Variants in SYT16 observed in about 807,000 individuals in gnomAD.
SYT16 encodes the protein synaptotagmin-16.
A neutral mutation model predicts 61.4 loss-of-function variants in SYT16; 42 were observed. That is an observed-to-expected ratio of 0.68 (90% CI 0.53 to 0.89). The LOEUF (loss-of-function observed/expected upper bound fraction) is 0.89, where lower values mean the gene tolerates loss of function less well. Ranked by LOEUF, SYT16 falls within the 40% of genes least tolerant of loss-of-function variation. The pLI is 0.00. For synonymous variants in SYT16, 314 were observed against 302.3 expected, an observed-to-expected ratio of 1.04 and a Z score of -0.40; for missense variants, 804 against 807.3, an observed-to-expected ratio of 1.00 and a Z score of 0.05.
At chr14:61,988,516 T>TATA (rs1484043107) in intron 2 of SYT16, among the ~76,000 whole-genome samples, 2 of 152,224 alleles carry the variant, frequency 1.3e-5, no homozygotes, top group African/African-American at 2.4e-5. Context: ...GTGCTGTTGC[T>TATA]ATAATGTTAT....
intron 1 of SYT16, among the ~76,000 whole-genome samples, chr14:61,946,798 G>A (rs2050455901): frequency 6.6e-6 from 1 of 152,194 alleles, no homozygotes; most frequent in Non-Finnish European, 1.5e-5. Flanking sequence ...GCAACCATAT[G>A]TTTTGAGAAA....
intron 1 of SYT16, among the ~76,000 whole-genome samples, chr14:61,907,554 A>C (rs1323901769): frequency 6.6e-6 from 1 of 152,184 alleles, no homozygotes; most frequent in African/African-American, 2.4e-5. Flanking sequence ...GCAGACTCAC[A>C]CACATGGCTG....
intron 3 of SYT16, among the ~76,000 whole-genome samples, chr14:62,048,531 T>C (rs1044901273): frequency 5.3e-5 from 8 of 152,224 alleles, no homozygotes; most frequent in Non-Finnish European, 1.2e-4. Context: ...TTTGAATGTG[T>C]TTGCTCTTGC....
intron 3 of SYT16, among the ~76,000 whole-genome samples, chr14:62,038,160 C>A (rs540374790): frequency 6.6e-6 from 1 of 151,506 alleles, no homozygotes; most frequent in Non-Finnish European, 1.5e-5. Flanking sequence ...CCGGTAGTTT[C>A]GCTTGCAGGC....
intron 1 of SYT16, among the ~76,000 whole-genome samples, chr14:61,899,584 A>G (rs942608216): frequency 1.3e-5 from 2 of 152,202 alleles, no homozygotes; most frequent in African/African-American, 4.8e-5. Flanking sequence ...TCTAGTTTCA[A>G]ATGTAGCATC....
chr14:61,818,939 A>G (rs752746092), intron 1 of SYT16, among the ~76,000 whole-genome samples: 9 of 152,198 alleles, frequency 5.9e-5, no homozygotes, highest in Non-Finnish European at 1.0e-4. Context: ...TATGGTGGCA[A>G]TATTCTCAAC....
At chr14:61,834,206 C>T (rs976258332) in intron 1 of SYT16, among the ~76,000 whole-genome samples, 1 of 151,998 alleles carries the variant, frequency 6.6e-6, no homozygotes, top group Non-Finnish European at 1.5e-5. Context: ...TCTCGGCTCA[C>T]TGTAACCTCC....
chr14:61,837,413 A>G (rs2046165892), intron 1 of SYT16, among the ~76,000 whole-genome samples: 1 of 150,702 alleles, frequency 6.6e-6, no homozygotes, highest in South Asian at 2.1e-4. Context: ...AATTTTTTGT[A>G]TATTCAGTAG....
chr14:61,995,872 T>G lies in SYT16; in HGVS notation c.-144-4T>G. On this transcript the variant is annotated splice_region_variant and splice_polypyrimidine_tract_variant and intron_variant, in intron 2 of 7. Coordinates refer to ENST00000683842, the MANE Select transcript of SYT16 (RefSeq NM_001367656.1). ...GGTGTAAGTATTTCTTTCCTCTGTT[T>G]CAGCTGGAAGTTTTGAGAGTGAAAT... 2 of 769,784 alleles carry G rather than the reference T, an allele frequency of 2.6e-6. No individual in the cohort carries two copies. The highest frequency in any genetic ancestry group is 2.5e-5 in the South Asian group (1 of 39,462). 47.7% of individuals were successfully genotyped at this position (769,784 alleles called of 1,614,324 possible).
At chr14:61,848,178 T>C (rs72716783) in intron 1 of SYT16, among the ~76,000 whole-genome samples, 13,700 of 152,184 alleles carry the variant, frequency 0.09, 654 homozygotes, top group Non-Finnish European at 0.1. Context: ...CTCTCTGGGC[T>C]TTTTTGTATT....
intron 5 of SYT16, 139 bp from the exon 6 acceptor site, chr14:62,080,695 C>A (rs1333273103): frequency 1.2e-6 from 1 of 830,946 alleles, no homozygotes; most frequent in Non-Finnish European, 1.9e-6. Context: ...GACCAGTAAA[C>A]AGACCTATCT....
Position 62,013,433 on chromosome 14 carries a change from T to G in SYT16, c.523+16891T>G, listed in dbSNP as rs558621226. On this transcript the variant is annotated intron_variant, in intron 3 of 7. Coordinates refer to ENST00000683842, the MANE Select transcript of SYT16 (RefSeq NM_001367656.1). ...GCATTATGGTTTCTGAGAGTGGACTTACACATTCCTAGGTCGAGTTTAAGG... is the reference window on the plus strand; with the variant it reads ...GCATTATGGTTTCTGAGAGTGGACTGACACATTCCTAGGTCGAGTTTAAGG... Among the ~76,000 whole-genome samples, 3 of 152,306 alleles carry G rather than the reference T, an allele frequency of 2.0e-5. No homozygotes were observed. The East Asian group carries it at 5.8e-4, about 29-fold the overall frequency.
intron 1 of SYT16, among the ~76,000 whole-genome samples, chr14:61,881,158 C>G (rs2047684258): frequency 6.6e-6 from 1 of 152,234 alleles, no homozygotes; most frequent in East Asian, 1.9e-4. Flanking sequence ...TGCAAAGTTC[C>G]CTTTCTTAAC....
chr14:62,027,863 G>A (rs995693225), intron 3 of SYT16, among the ~76,000 whole-genome samples: 2 of 152,118 alleles, frequency 1.3e-5, no homozygotes, highest in Non-Finnish European at 2.9e-5. Context: ...ATTTCAGAGG[G>A]AACTTTATAT....
rs1167800095 is a variant in SYT16 at position 62,110,220 on chromosome 14, A to G, written c.*9513A>G. ...TGTTCTGATATCAAATCTTCCACTA[A>G]TGAGCTCTAAAATGAATATCAAGTC... On this transcript the variant is annotated 3_prime_UTR_variant, in exon 8 of 8. Coordinates refer to ENST00000683842, the MANE Select transcript of SYT16 (RefSeq NM_001367656.1). 1.3e-5 allele frequency: 2 copies of G among 152,156 alleles called. No homozygotes were observed. The highest frequency in any genetic ancestry group is 1.5e-5 in the Non-Finnish European group (1 of 68,004). The allele number at this position is 152,156 out of a possible 1,614,324, so 9.4% of individuals were successfully genotyped here.
At chr14:61,859,334 C>T (rs929110548) in intron 1 of SYT16, among the ~76,000 whole-genome samples, 3 of 151,994 alleles carry the variant, frequency 2.0e-5, no homozygotes, top group African/African-American at 7.3e-5. Context: ...AGATGGCGGC[C>T]AGACACGGAG....
chr14:61,869,676 T>C (rs217697), intron 1 of SYT16, among the ~76,000 whole-genome samples: 3 of 152,214 alleles, frequency 2.0e-5, no homozygotes, highest in African/African-American at 7.2e-5. Flanking sequence ...ATGGCATTTG[T>C]AGGTGAAAGC....
intron 3 of SYT16, among the ~76,000 whole-genome samples, chr14:62,029,599 A>G (rs922011327): frequency 1.3e-5 from 2 of 152,120 alleles, no homozygotes; most frequent in African/African-American, 4.8e-5. Context: ...AATGAGCCTC[A>G]TGATTTGTGG....
At chr14:62,035,761 T>G (rs2054482303) in intron 3 of SYT16, among the ~76,000 whole-genome samples, 1 of 152,056 alleles carries the variant, frequency 6.6e-6, no homozygotes, top group Non-Finnish European at 1.5e-5. Flanking sequence ...AGGTGAAGAG[T>G]CCTATAAAGA....
Sources: allele counts gnomAD v4.1 joint callset (sites outside exome capture counted in the v4.1 genomes callset), GRCh38; gene constraint gnomAD v4.1.1; transcripts MANE v1.5; gene names NCBI Gene and HGNC (gene_info 2026-07-23, HGNC 2026-07-21).